PRKCZ: variants seen among roughly 807,000 people sequenced by gnomAD.
The protein encoded by PRKCZ is protein kinase C zeta.
In PRKCZ, 33 loss-of-function variants were observed where a neutral mutation model predicts 79.5. The ratio of observed to expected loss-of-function variants is 0.41; its 90% confidence interval spans 0.31 to 0.55. PRKCZ has a LOEUF of 0.55. PRKCZ is among the 20% of genes least tolerant of loss of function. The pLI is 0.19. For synonymous variants in PRKCZ, 342 were observed against 320.9 expected (o/e 1.07, Z -0.70); for missense variants, 578 against 813.5 (o/e 0.71, Z 3.52).
intron 4 of PRKCZ, among the ~76,000 whole-genome samples, chr1:2,086,444 C>T (rs1336576151): frequency 2.6e-5 from 4 of 152,216 alleles, no homozygotes; most frequent in Non-Finnish European, 4.4e-5. Context: ...TCTTGAGGCT[C>T]TGGTCCTCCC....
In PRKCZ at chr1:2,174,794, C is replaced by T. The variant is rs758168258; in HGVS notation, c.1446C>T (p.Ser482=). ...EKPIRIPRFL[S]VKASHVLKGF... ...CCATCCGGATCCCCCGGTTCCTGTC[C>T]GTCAAAGCCTCCCATGTTTTAAAAG... Residue 482 remains serine, a synonymous_variant, in exon 15 of 18, where the codon TCC becomes TCT. Transcript: ENST00000378567. This position sits in a 1 kb window ranked among gnomAD's most constrained non-coding sequence, Gnocchi z 6.2. The T allele has an allele frequency of 1.2e-5, 19 of 1,614,032 alleles. No homozygotes were observed. The highest frequency in any genetic ancestry group is 6.7e-5 in the African/African-American group (5 of 74,942).
In PRKCZ at chr1:2,082,211, C is replaced by T. The variant is rs920645330; in HGVS notation, c.334+22620C>T. 4.4e-5 allele frequency: 16 copies of T among 365,426 alleles called. No homozygotes were observed. The highest frequency in any genetic ancestry group is 7.5e-5 in the Non-Finnish European group (14 of 186,270). The allele number at this position is 365,426 out of a possible 1,614,324, so 22.6% of individuals were successfully genotyped here. ...GGCAGCGTCGCCCGCTCTGTCCCGC[C>T]TGTTGTGTGCGCCTTTTCCCTGCTC... is the stretch of plus-strand genomic sequence containing the variant. On this transcript the variant is annotated intron_variant, in intron 4 of 17. Coordinates refer to ENST00000378567, the MANE Select transcript of PRKCZ (RefSeq NM_002744.6). The surrounding 1 kb of genome is among the most constrained non-coding windows in gnomAD (Gnocchi z 4.4).
intron 4 of PRKCZ, among the ~76,000 whole-genome samples, chr1:2,087,579 A>G (rs1425353673): frequency 6.6e-6 from 1 of 151,998 alleles, no homozygotes; most frequent in Non-Finnish European, 1.5e-5. Flanking sequence ...TGATGCTCTT[A>G]TTTTTGCATT....
chr1:2,121,478 A>AGGGTCACGGTGGTG, intron 4 of PRKCZ, among the ~76,000 whole-genome samples: 1 of 57,804 alleles, frequency 1.7e-5, no homozygotes, highest in African/African-American at 1.1e-4. Context: ...GGCGGTAGTT[A>AGGGTCACGGTGGTG]GTTAGGGTCA....
chr1:2,181,506 AG>A (rs1161107017), intron 16 of PRKCZ, among the ~76,000 whole-genome samples: 6 of 150,604 alleles, frequency 4.0e-5, no homozygotes, highest in African/African-American at 1.5e-4. Context: ...GGTTGGGCGC[AG>A]GGGGCGGCGG....
chr1:2,085,340 CCT>C (rs1664301080), intron 4 of PRKCZ, among the ~76,000 whole-genome samples: 1 of 152,232 alleles, frequency 6.6e-6, no homozygotes, highest in Non-Finnish European at 1.5e-5. Flanking sequence ...AGCTTTGTGC[CCT>C]GTGTTACCGG....
rs1239083087 is a variant in PRKCZ, at chr1:2,173,152, C to G, written c.1286-745C>G. On this transcript the variant is annotated intron_variant, in intron 13 of 17. Coordinates refer to ENST00000378567, the MANE Select transcript of PRKCZ (RefSeq NM_002744.6). This position sits in a 1 kb window ranked among gnomAD's most constrained non-coding sequence, Gnocchi z 5.7. ...GAGGCATGCATGGTGTGCCTTCAGA[C>G]ATTTTTACACATTTTTTTTGCCATC... Among the ~76,000 whole-genome samples, 1 of 152,200 alleles carries G rather than the reference C, an allele frequency of 6.6e-6. No individual in the cohort carries two copies. The highest frequency in any genetic ancestry group is 1.5e-5 in the Non-Finnish European group (1 of 68,024).
intron 4 of PRKCZ, chr1:2,104,599 G>C: frequency 2.5e-6 from 2 of 810,320 alleles, no homozygotes; most frequent in Non-Finnish European, 3.0e-6. Context: ...GGTGGCAGGG[G>C]ATGGCCGCGA....
At chr1:2,144,526 C>G in intron 6 of PRKCZ, 185 bp downstream of exon 6, 1 of 1,420,570 alleles carries the variant, frequency 7.0e-7, no homozygotes, top group Non-Finnish European at 9.2e-7. Context: ...TTCCTGAGCC[C>G]CCACAAGCCC....
rs547228283 is a variant in PRKCZ at position 2,094,523 on chromosome 1, C to T, written c.334+34932C>T. On this transcript the variant is annotated intron_variant, in intron 4 of 17. Transcript: ENST00000378567. The surrounding 1 kb of genome is among the most constrained non-coding windows in gnomAD (Gnocchi z 7.3). ...TGTGCCCGGCTCGTTGAACCTTGGGCGCTGCCCGTTCTGAGGCGCCCTCTG... is the reference window on the plus strand; with the variant it reads ...TGTGCCCGGCTCGTTGAACCTTGGGTGCTGCCCGTTCTGAGGCGCCCTCTG... Among the ~76,000 whole-genome samples, 4 of 138,782 alleles carry T rather than the reference C, an allele frequency of 2.9e-5. No individual in the cohort carries two copies. Among genetic ancestry groups the T allele is most frequent in the East Asian group, 2.3e-4 (1 of 4,412 alleles). The allele number at this position is 138,782 out of a possible 152,430, so 91.0% of individuals were successfully genotyped here.
At chr1:2,061,113 C>T (rs1476366225) in intron 4 of PRKCZ, among the ~76,000 whole-genome samples, 2 of 152,238 alleles carry the variant, frequency 1.3e-5, no homozygotes, top group African/African-American at 2.4e-5. Flanking sequence ...GTTTATTTGC[C>T]ACCTGGGTGA....
At chr1:2,076,741 TG>T (rs1662491945) in intron 4 of PRKCZ, among the ~76,000 whole-genome samples, 1 of 133,520 alleles carries the variant, frequency 7.5e-6, no homozygotes, top group African/African-American at 2.8e-5. Flanking sequence ...GACTCCATCT[TG>T]AAAAAAAAAA....
At position 2,102,578 on chromosome 1, in the gene PRKCZ, C is replaced by T. The variant is rs191955305; in HGVS notation, c.335-32684C>T. On this transcript the variant is annotated intron_variant, in intron 4 of 17. Coordinates refer to ENST00000378567, the MANE Select transcript of PRKCZ (RefSeq NM_002744.6). ...CGATCTCCTGACCTCGTGATCCGCC[C>T]GCCTTGGCCTCCCAAAGTGCTAGGA... Among the ~76,000 whole-genome samples the T allele has an allele frequency of 4.9e-3, 743 of 152,168 alleles. 2 individuals carry two copies. Among genetic ancestry groups the T allele is most frequent in the South Asian group, 0.011 (52 of 4,820 alleles).
chr1:2,056,416 C>A, intron 2 of PRKCZ, 68 bp from the exon 3 acceptor site: 4 of 1,397,432 alleles, frequency 2.9e-6, no homozygotes, highest in South Asian at 2.5e-5. Context: ...GTGTGCTGAG[C>A]GGGCTCGTCA....
rs143926446 is a variant in PRKCZ, at chr1:2,136,985, G to A, written c.420+1638G>A. 3.0e-3 allele frequency among the ~76,000 whole-genome samples: 463 copies of A among 152,276 alleles called. 1 individual carries two copies. Among genetic ancestry groups the A allele is most frequent in the African/African-American group, 0.01 (434 of 41,562 alleles). ...GATTAGGGAGAACTGGCCCTCGGGC[G>A]CACAAGACGAAGTCTTACGATAGGC... On this transcript the variant is annotated intron_variant, in intron 5 of 17. Transcript: ENST00000378567.
At position 2,172,279 on chromosome 1, in the gene PRKCZ, C is replaced by T. The variant is rs1451821148; in HGVS notation, c.1198-22C>T. The T allele has an allele frequency of 3.1e-6, 5 of 1,613,450 alleles. No homozygotes were observed. Among genetic ancestry groups the T allele is most frequent in the African/African-American group, 2.7e-5 (2 of 74,940 alleles). ...GGGGTAGTGTCTACAAGAACCCTCT[C>T]CCAGTAACTTTGCCCCCACAGGAAG... On this transcript the variant is annotated intron_variant, in intron 12 of 17. Transcript: ENST00000378567. This position sits in a 1 kb window ranked among gnomAD's most constrained non-coding sequence, Gnocchi z 7.8.
chr1:2,175,800 G>A (rs925025391), intron 16 of PRKCZ, among the ~76,000 whole-genome samples: 4 of 152,100 alleles, frequency 2.6e-5, no homozygotes, highest in African/African-American at 7.2e-5. Flanking sequence ...GTGAGGGGCC[G>A]GACGAGCTCG....
chr1:2,098,324 G>A (rs1666881850), intron 4 of PRKCZ: 1 of 152,268 alleles, frequency 6.6e-6, no homozygotes, highest in African/African-American at 2.4e-5. Flanking sequence ...AACCTTTGAA[G>A]AGGAATTTAT....
chr1:2,068,498 A>T (rs1661307695), intron 4 of PRKCZ, among the ~76,000 whole-genome samples: 1 of 152,188 alleles, frequency 6.6e-6, no homozygotes, highest in Non-Finnish European at 1.5e-5. Context: ...TCACTGGAAC[A>T]CCGGTGGTCG....
Sources: gnomAD v4.1 joint callset for allele counts (sites outside exome capture counted in the v4.1 genomes callset) on GRCh38, gnomAD v4.1.1 for gene constraint, Gnocchi (gnomAD v3.1) non-coding constraint, MANE v1.5 for transcripts, NCBI Gene and HGNC (gene_info 2026-07-23, HGNC 2026-07-21) for gene names.